Variants in MYO15A observed in about 807,000 individuals in gnomAD.
MYO15A encodes the protein unconventional myosin-XV.
Under a neutral mutation model 394.6 loss-of-function variants are expected in MYO15A, and 308 were observed. That is an observed-to-expected ratio of 0.78 (90% CI 0.71 to 0.86). The LOEUF is 0.86. Ranked by LOEUF, MYO15A falls within the 40% of genes least tolerant of loss-of-function variation. MYO15A has a pLI of 0.00. For synonymous variants in MYO15A, 1,957 were observed against 2,003.8 expected (o/e 0.98, Z 0.62); for missense variants, 4,606 against 4,799.1 (o/e 0.96, Z 1.19).
At chr17:18,109,361 G>T in intron 1 of MYO15A, 1 of 162,184 alleles carries the variant, frequency 6.2e-6, no homozygotes, top group East Asian at 1.5e-4. Context: ...CACCGTGGAT[G>T]GGCTTGTTCC....
In MYO15A at chr17:18,120,430, C is replaced by A. The variant is rs371548876; in HGVS notation, c.1630C>A (p.Arg544Ser). ...CACGCCGCGCCAGCGCAACCTCCAG[C>A]GCGCGCTGTCGGCCTTCGGCGCCCA... ...FLTPRQRNLQ[R>S]ALSAFGAHRG... is the part of the protein sequence containing the mutation. Residue 544 changes from arginine to serine, a missense_variant, in exon 2 of 66, where the codon CGC becomes AGC. Physicochemically the swap from Arg to Ser is moderately radical, Grantham distance 110. Coordinates refer to ENST00000647165, the MANE Select transcript of MYO15A (RefSeq NM_016239.4). The A allele has an allele frequency of 2.5e-6, 4 of 1,592,146 alleles. No individual in the cohort carries two copies. Among genetic ancestry groups the A allele is most frequent in the Non-Finnish European group, 1.7e-6 (2 of 1,171,352 alleles).
At chr17:18,114,474 A>G (rs1293956721) in intron 1 of MYO15A, among the ~76,000 whole-genome samples, 1 of 151,702 alleles carries the variant, frequency 6.6e-6, no homozygotes, top group African/African-American at 2.4e-5. Context: ...CTGGTCTCGA[A>G]CTCTTGACCA....
chr17:18,142,992 C>A, intron 25 of MYO15A, 152 bp downstream of exon 25: 1 of 735,728 alleles, frequency 1.4e-6, no homozygotes, highest in Non-Finnish European at 2.4e-6. Flanking sequence ...CATTGTCTAT[C>A]CTCGATTTTC....
Position 18,132,642 on chromosome 17 carries a change from C to A in MYO15A, c.4320+76C>A. The stretch of plus-strand genomic sequence containing the variant: ...GACGCCCCTGGCTGGGCCTTGGGAG[C>A]CGAGTTGTGAGTGATGGAGTGTGAA... On this transcript the variant is annotated intron_variant, in intron 11 of 65. Transcript: ENST00000647165. This position sits in a 1 kb window ranked among gnomAD's most constrained non-coding sequence, Gnocchi z 4.6. The A allele has an allele frequency of 8.1e-7, 1 of 1,232,518 alleles. No individual in the cohort carries two copies. The highest frequency in any genetic ancestry group is 1.2e-6 in the Non-Finnish European group (1 of 849,428). 76.3% of individuals were successfully genotyped at this position (1,232,518 alleles called of 1,614,324 possible). A position where few individuals can be genotyped will look rare whatever the true frequency, so the allele number is the denominator to read the frequency against.
At position 18,135,761 on chromosome 17, in the gene MYO15A, C is replaced by T. The variant is rs114328138; in HGVS notation, c.4533C>T (p.Ala1511=). 11,725 of 1,614,124 alleles carry T rather than the reference C, an allele frequency of 7.3e-3. 162 individuals carry two copies. The highest frequency in any genetic ancestry group is 0.054 in the African/African-American group (4,015 of 75,008). The stretch of plus-strand genomic sequence containing the variant: ...TGGTGAGTGCCCGAGAGATCCAGGC[C>T]GTGGCAGAGCTGCTGCAGATCTCCC... ...ASVVSAREIQ[A]VAELLQISPE... is the part of the protein sequence containing the mutation. Residue 1511 remains alanine (A), a synonymous_variant, in exon 13 of 66, where the codon GCC becomes GCT. Transcript: ENST00000647165.
At chr17:18,175,615 G>A (rs906052890) in intron 65 of MYO15A, among the ~76,000 whole-genome samples, 3 of 151,940 alleles carry the variant, frequency 2.0e-5, no homozygotes, top group African/African-American at 4.8e-5. Context: ...ATCTCTAAAC[G>A]TTGCTGAGTC....
At position 18,146,000 on chromosome 17, in the gene MYO15A, G is replaced by A; in HGVS notation, c.6402G>A (p.Gln2134=). 6.2e-7 allele frequency: 1 copy of A among 1,613,916 alleles called. No individual in the cohort carries two copies. The highest frequency in any genetic ancestry group is 8.5e-7 in the Non-Finnish European group (1 of 1,180,024). Residue 2134 remains glutamine, a synonymous_variant, in exon 30 of 66, where the codon CAG becomes CAA. Transcript: ENST00000647165. Reference sequence around the variant, plus strand: ...AGATCCTGGCACAGCTGGCCAATCAGGTGTGGCACAATCACAATGCCCACA... The same window carrying A: ...AGATCCTGGCACAGCTGGCCAATCAAGTGTGGCACAATCACAATGCCCACA... The part of the protein sequence containing the change: ...RDEILAQLAN[Q]VWHNHNAHNA...
intron 61 of MYO15A, 83 bp from the exon 62 acceptor site, chr17:18,167,507 A>C: frequency 6.3e-7 from 1 of 1,590,426 alleles, no homozygotes; most frequent in Non-Finnish European, 8.5e-7. Flanking sequence ...CAATCATTAA[A>C]CATGCATGTC....
At chr17:18,125,135 G>A (rs1398236290) in intron 3 of MYO15A, 33 bp from the exon 4 acceptor site, 3 of 1,609,438 alleles carry the variant, frequency 1.9e-6, no homozygotes, top group African/African-American at 1.3e-5. Flanking sequence ...CCAGCCCTGG[G>A]GGCACTGACG....
intron 61 of MYO15A, 147 bp from the exon 62 acceptor site, chr17:18,167,443 C>A: frequency 7.7e-7 from 1 of 1,297,408 alleles, no homozygotes; most frequent in South Asian, 1.3e-5. Context: ...TGCCATCATT[C>A]CCCGAAACCC....
In MYO15A at chr17:18,153,891, A is replaced by T; in HGVS notation, c.8083A>T (p.Lys2695Ter). 1.2e-6 allele frequency: 2 copies of T among 1,613,488 alleles called. No individual in the cohort carries two copies. The highest frequency in any genetic ancestry group is 1.7e-6 in the Non-Finnish European group (2 of 1,179,976). The change falls in exon 43 of 66, where the codon AAA becomes TAA. Residue 2695 changes from lysine to a stop codon, truncating the protein, a stop_gained. Coordinates refer to ENST00000647165, the MANE Select transcript of MYO15A (RefSeq NM_016239.4). LOFTEE classifies it high-confidence loss of function. This position sits in a 1 kb window ranked among gnomAD's most constrained non-coding sequence, Gnocchi z 4.1. ...QDAPWKIFLR[K>*]EVFYPKDSYS... ...CGCCCCCTGGAAGATCTTCCTGCGCAAAGAGGTGCCGAGCACAGCCGTAGC... is the reference window on the plus strand; with the variant it reads ...CGCCCCCTGGAAGATCTTCCTGCGCTAAGAGGTGCCGAGCACAGCCGTAGC...
Position 18,132,400 on chromosome 17 carries a change from G to A in MYO15A, c.4207-53G>A. Reference sequence around the variant, plus strand: ...GGCTTGGGCTTGTATGTGTGCCTGGGGGTCACCTAGGTAGGTGGCTCCCTT... The same window carrying A: ...GGCTTGGGCTTGTATGTGTGCCTGGAGGTCACCTAGGTAGGTGGCTCCCTT... On this transcript the variant is annotated intron_variant, in intron 10 of 65. Coordinates refer to ENST00000647165, the MANE Select transcript of MYO15A (RefSeq NM_016239.4). The surrounding 1 kb of genome is among the most constrained non-coding windows in gnomAD (Gnocchi z 4.6). 6.9e-7 allele frequency: 1 copy of A among 1,440,430 alleles called. No homozygotes were observed. The highest frequency in any genetic ancestry group is 9.8e-7 in the Non-Finnish European group (1 of 1,024,762). The allele number at this position is 1,440,430 out of a possible 1,614,324, so 89.2% of individuals were successfully genotyped here.
chr17:18,149,971 A>T, intron 35 of MYO15A: 1 of 306,244 alleles, frequency 3.3e-6, no homozygotes, highest in Non-Finnish European at 6.2e-6. Flanking sequence ...AAAAAAAAAA[A>T]GAAAGGGAAG....
chr17:18,127,022 C>T, intron 6 of MYO15A, 53 bp from the exon 7 acceptor site: 1 of 1,610,038 alleles, frequency 6.2e-7, no homozygotes, highest in Non-Finnish European at 8.5e-7. Context: ...GTCAGGGTGC[C>T]CCAGAAGAGG....
rs762253410 is a variant in MYO15A, at chr17:18,173,922, G to T, written c.10491+1G>T. Reference sequence around the variant, plus strand: ...CACCTTGCAGCTGCAGCTGGAGCAGGTGGGCCCAGCGCTAAGTCCAACATT... The same window carrying T: ...CACCTTGCAGCTGCAGCTGGAGCAGTTGGGCCCAGCGCTAAGTCCAACATT... On this transcript the variant is annotated splice_donor_variant, in intron 65 of 65. Transcript: ENST00000647165. LOFTEE classifies it high-confidence loss of function. The T allele has an allele frequency of 6.2e-7, 1 of 1,612,962 alleles. No individual in the cohort carries two copies. Among genetic ancestry groups the T allele is most frequent in the Non-Finnish European group, 8.5e-7 (1 of 1,179,756 alleles).
At chr17:18,170,121 C>A (rs1022920638) in intron 62 of MYO15A, among the ~76,000 whole-genome samples, 1 of 152,048 alleles carries the variant, frequency 6.6e-6, no homozygotes, top group Non-Finnish European at 1.5e-5. Flanking sequence ...TACCATCTCA[C>A]ATGTTATACA....
chr17:18,131,472 G>A lies in MYO15A; in HGVS notation c.4147G>A (p.Val1383Met), dbSNP rs1345362965. 1.5e-5 allele frequency: 25 copies of A among 1,613,700 alleles called. No homozygotes were observed. Among genetic ancestry groups the A allele is most frequent in the Admixed American group, 1.0e-4 (6 of 59,970 alleles). ...KFVEIFLEGG[V>M]ISGAITSQYL... ...TGACTGTGCTCCCCACCCCAGGGGC[G>A]TGATCTCTGGTGCCATAACCTCCCA... The change falls in exon 10 of 66, where the codon GTG (valine) becomes ATG (methionine). Residue 1383 changes from valine to methionine, a missense_variant. Around this residue, in one of 2 missense-constraint regions of MYO15A, gnomAD observed 2,776 missense variants for 3,109.3 expected, o/e 0.89. Transcript: ENST00000647165.
intron 34 of MYO15A, 46 bp downstream of exon 34, chr17:18,149,422 A>G (rs756119256): frequency 1.2e-6 from 2 of 1,613,132 alleles, no homozygotes; most frequent in Non-Finnish European, 1.7e-6. Flanking sequence ...GGAGCCTTAG[A>G]GGCTGTGTGG....
In MYO15A at chr17:18,150,302, C is replaced by A. The variant is rs1312371958; in HGVS notation, c.7213-127C>A. ...GTAAAGGCTGAGCATACAGCAGACA[C>A]TGAGCCAGTGGGAGGCTGCCCCCTC... On this transcript the variant is annotated intron_variant, in intron 35 of 65. Transcript: ENST00000647165. The surrounding 1 kb of genome is among the most constrained non-coding windows in gnomAD (Gnocchi z 4.4). The A allele has an allele frequency of 3.7e-6, 3 of 813,642 alleles. No homozygotes were observed. Among genetic ancestry groups the A allele is most frequent in the Non-Finnish European group, 4.2e-6 (2 of 473,612 alleles). The allele number at this position is 813,642 out of a possible 1,614,324, so 50.4% of individuals were successfully genotyped here.
Sources: gnomAD v4.1 joint callset for allele counts (sites outside exome capture counted in the v4.1 genomes callset) on GRCh38, gnomAD v4.1.1 for gene constraint, gnomAD v4.1.1 regional missense constraint, Gnocchi (gnomAD v3.1) non-coding constraint, MANE v1.5 for transcripts, NCBI Gene and HGNC (gene_info 2026-07-23, HGNC 2026-07-21) for gene names.